RAPH1: variants seen among roughly 807,000 people sequenced by gnomAD.
RAPH1 encodes ras-associated and pleckstrin homology domains-containing protein 1.
Under a neutral mutation model 88.1 loss-of-function variants are expected in RAPH1, and 18 were observed. The observed-to-expected ratio is 0.20, with a 90% CI of 0.14 to 0.30. RAPH1 has a LOEUF of 0.30. Ranked by LOEUF, RAPH1 falls within the 10% of genes least tolerant of loss-of-function variation. The pLI is 1.00. For missense variants in RAPH1, 1,448 were observed against 1,543.2 expected (o/e 0.94, Z 1.03); for synonymous variants, 587 against 559.0 (o/e 1.05, Z -0.71).
intron 1 of RAPH1, among the ~76,000 whole-genome samples, chr2:203,524,188 T>C (rs886251147): frequency 6.6e-5 from 10 of 152,166 alleles, no homozygotes; most frequent in Non-Finnish European, 1.0e-4. Context: ...AACATTACAT[T>C]GCTCAACATC....
At position 203,438,447 on chromosome 2, in the gene RAPH1, T is replaced by G. The variant is rs1337866398; in HGVS notation, c.*990A>C. On this transcript the variant is annotated 3_prime_UTR_variant, in exon 14 of 14. Coordinates refer to ENST00000319170, the MANE Select transcript of RAPH1 (RefSeq NM_213589.3). ...TTCATATACCAATTGTCTACAGATA[T>G]GTAATAACACCTACCTAAAGCACAT... 1.9e-5 allele frequency: 6 copies of G among 309,468 alleles called. No individual in the cohort carries two copies. The highest frequency in any genetic ancestry group is 1.3e-4 in the African/African-American group (6 of 45,342). The allele number at this position is 309,468 out of a possible 1,614,324, so 19.2% of individuals were successfully genotyped here.
At chr2:203,465,967 CCTAA>C (rs886340798) in intron 4 of RAPH1, among the ~76,000 whole-genome samples, 3 of 152,052 alleles carry the variant, frequency 2.0e-5, no homozygotes, top group Non-Finnish European at 4.4e-5. Context: ...AATTAGATTT[CCTAA>C]CTGTCAATAA....
At chr2:203,480,856 A>C (rs774957621) in intron 4 of RAPH1, among the ~76,000 whole-genome samples, 3 of 152,222 alleles carry the variant, frequency 2.0e-5, no homozygotes, top group Non-Finnish European at 4.4e-5. Context: ...CCTGGGTTCA[A>C]GCCCCAGCGT....
intron 4 of RAPH1, among the ~76,000 whole-genome samples, chr2:203,470,916 C>T (rs538458184): frequency 2.0e-5 from 3 of 152,182 alleles, no homozygotes; most frequent in Non-Finnish European, 2.9e-5. Context: ...GTATACTGCA[C>T]AGTAAAGAAT....
intron 8 of RAPH1, 107 bp from the exon 9 acceptor site, chr2:203,455,687 T>A: frequency 1.8e-6 from 2 of 1,085,288 alleles, no homozygotes; most frequent in Non-Finnish European, 2.7e-6. Flanking sequence ...AAAATGGTTT[T>A]ATATTAAAAC....
intron 1 of RAPH1, among the ~76,000 whole-genome samples, chr2:203,501,816 A>G (rs558843389): frequency 0.028 from 802 of 28,806 alleles, 9 homozygotes; most frequent in African/African-American, 0.088. Context: ...AAGCATTATG[A>G]AAAAAAAAAA....
chr2:203,441,733 A>T, intron 13 of RAPH1: 1 of 1,282,180 alleles, frequency 7.8e-7, no homozygotes, highest in Non-Finnish European at 9.8e-7. Context: ...TGGCTGTATG[A>T]CTTTGACACA....
intron 1 of RAPH1, among the ~76,000 whole-genome samples, chr2:203,507,505 A>G (rs1689144140): frequency 6.6e-6 from 1 of 152,232 alleles, no homozygotes; most frequent in South Asian, 2.1e-4. Flanking sequence ...CCAAAATATC[A>G]TCACTACAAA....
At chr2:203,481,792 G>C (rs374824216) in intron 4 of RAPH1, among the ~76,000 whole-genome samples, 8 of 150,478 alleles carry the variant, frequency 5.3e-5, no homozygotes, top group African/African-American at 1.9e-4. Flanking sequence ...AGTAGAGACG[G>C]GGTTTCACCA....
chr2:203,510,043 AGT>A (rs1215592311), intron 1 of RAPH1, among the ~76,000 whole-genome samples: 11 of 152,172 alleles, frequency 7.2e-5, no homozygotes, highest in Non-Finnish European at 1.5e-4. Flanking sequence ...TAAATTATAC[AGT>A]CTCAGGTATT....
At chr2:203,466,987 T>C (rs2098529024) in intron 4 of RAPH1, among the ~76,000 whole-genome samples, 1 of 152,198 alleles carries the variant, frequency 6.6e-6, no homozygotes. Context: ...CAAACCCAGT[T>C]GAAATTAAGG....
At chr2:203,530,767 C>T (rs1464545745) in intron 1 of RAPH1, among the ~76,000 whole-genome samples, 2 of 151,892 alleles carry the variant, frequency 1.3e-5, no homozygotes, top group Non-Finnish European at 2.9e-5. Flanking sequence ...TGGTGCATGC[C>T]TGTAATCCCA....
intron 1 of RAPH1, among the ~76,000 whole-genome samples, chr2:203,514,084 C>T (rs1284425088): frequency 6.6e-6 from 1 of 152,084 alleles, no homozygotes; most frequent in Non-Finnish European, 1.5e-5. Context: ...CTCAAGTGAT[C>T]ACCTGCCTCA....
Position 203,439,188 on chromosome 2 carries a change from A to G in RAPH1, c.*249T>C, listed in dbSNP as rs2098500852. ...AACACCCATTTTCAGATTAGGAGAG[A>G]AAAGGAATAAATAGAATAACTCTCA... On this transcript the variant is annotated 3_prime_UTR_variant, in exon 14 of 14. Transcript: ENST00000319170. 1 of 393,612 alleles carries G rather than the reference A, an allele frequency of 2.5e-6. No individual in the cohort carries two copies. The highest frequency in any genetic ancestry group is 3.8e-5 in the East Asian group (1 of 26,634). The allele number at this position is 393,612 out of a possible 1,614,324, so 24.4% of individuals were successfully genotyped here.
chr2:203,450,661 AC>A (rs2098514077), intron 10 of RAPH1, among the ~76,000 whole-genome samples: 1 of 152,254 alleles, frequency 6.6e-6, no homozygotes, highest in African/African-American at 2.4e-5. Context: ...AAATAGGCCA[AC>A]TGAAAAGAGC....
intron 1 of RAPH1, chr2:203,533,274 A>G (rs1294676686): frequency 1.3e-5 from 2 of 152,148 alleles, no homozygotes; most frequent in East Asian, 1.9e-4. Flanking sequence ...ATCTACAAAT[A>G]ATTCTTTATT....
intron 1 of RAPH1, among the ~76,000 whole-genome samples, chr2:203,519,942 A>T (rs1286357309): frequency 6.6e-6 from 1 of 152,242 alleles, no homozygotes. Context: ...GTGAATAAAC[A>T]GAAACAGTGC....
intron 4 of RAPH1, among the ~76,000 whole-genome samples, chr2:203,477,688 C>T (rs1687526968): frequency 6.6e-6 from 1 of 152,160 alleles, no homozygotes; most frequent in African/African-American, 2.4e-5. Flanking sequence ...CCCTCGAATT[C>T]TAGATGAATA....
intron 1 of RAPH1, among the ~76,000 whole-genome samples, chr2:203,503,323 A>C (rs539465351): frequency 1.0e-3 from 154 of 152,316 alleles, no homozygotes; most frequent in African/African-American, 3.5e-3. Flanking sequence ...GACATACCAG[A>C]GACTGGGAAG....
Sources: gnomAD v4.1 joint callset for allele counts (sites outside exome capture counted in the v4.1 genomes callset) on GRCh38, gnomAD v4.1.1 for gene constraint, MANE v1.5 for transcripts, NCBI Gene and HGNC (gene_info 2026-07-23, HGNC 2026-07-21) for gene names.